The following EFNA2 variants were observed in gnomAD, a reference collection of about 807,000 sequenced individuals.
EFNA2 encodes the protein ephrin-A2.
EFNA2 carries 18 observed loss-of-function variants against 19.7 expected under a neutral mutation model. The ratio of observed to expected loss-of-function variants is 0.91; its 90% confidence interval spans 0.63 to 1.35. EFNA2 has a LOEUF of 1.35. Among genes scored for constraint, EFNA2 ranks in the 40% most tolerant of loss-of-function variants. The probability of loss-of-function intolerance (pLI) is 0.00; values close to 1 mark genes in which losing one functional copy is unlikely to be tolerated. For synonymous variants in EFNA2, 187 were observed against 137.8 expected (o/e 1.36, Z -2.50); for missense variants, 303 against 296.0 (o/e 1.02, Z -0.17).
At chr19:1,284,480 G>C (rs1406551977), upstream of EFNA2, among the ~76,000 whole-genome samples, 2 of 152,240 alleles carry the variant, frequency 1.3e-5, no homozygotes, top group Non-Finnish European at 2.9e-5. This position sits in a 1 kb window ranked among gnomAD's most constrained non-coding sequence, Gnocchi z 5.3. Context: ...GGGTGGGACA[G>C]ACCTTTCTGG....
chr19:1,294,569 T>C lies in EFNA2; in HGVS notation c.141-976T>C, dbSNP rs2144619902. On this transcript the variant is annotated intron_variant, in intron 1 of 3. Transcript: ENST00000215368. This position sits in a 1 kb window ranked among gnomAD's most constrained non-coding sequence, Gnocchi z 5.8. ...GGGTTCCAGATGTGAGAGGGTGGTA[T>C]GGGGCTCGCAGGGTCACACAGGAAG... Among the ~76,000 whole-genome samples, 2 of 148,894 alleles carry C rather than the reference T, an allele frequency of 1.3e-5. No individual in the cohort carries two copies. Among genetic ancestry groups the C allele is most frequent in the African/African-American group, 5.0e-5 (2 of 39,952 alleles).
chr19:1,301,222 A>G lies in EFNA2; in HGVS notation c.*1277A>G, dbSNP rs1347638854. Among the ~76,000 whole-genome samples the G allele has an allele frequency of 1.4e-5, 2 of 147,036 alleles. No individual in the cohort carries two copies. The highest frequency in any genetic ancestry group is 1.4e-4 in the Admixed American group (2 of 14,606). ...CCTTTCCTGACTCTGTGTTTTATAT[A>G]TATTATATATAAATATATATTGTGT... On this transcript the variant is annotated 3_prime_UTR_variant, in exon 4 of 4. Coordinates refer to ENST00000215368, the MANE Select transcript of EFNA2 (RefSeq NM_001405.4).
intron 2 of EFNA2, among the ~76,000 whole-genome samples, chr19:1,298,285 G>A (rs908313976): frequency 2.0e-5 from 3 of 152,058 alleles, no homozygotes; most frequent in Non-Finnish European, 1.5e-5. Context: ...CTGCCCTGGG[G>A]TGAGGCAGAG....
chr19:1,291,546 G>C (rs934299969), intron 1 of EFNA2, among the ~76,000 whole-genome samples: 2 of 152,258 alleles, frequency 1.3e-5, no homozygotes, highest in East Asian at 3.9e-4. Flanking sequence ...TTCAGGACCC[G>C]GGCTGCCTGC....
chr19:1,298,861 A>T (rs35584013), intron 3 of EFNA2, among the ~76,000 whole-genome samples: 20,674 of 152,008 alleles, frequency 0.14, 2,017 homozygotes, highest in African/African-American at 0.27. Flanking sequence ...GGGAGAATCA[A>T]TTGAGCCCAG....
At position 1,287,374 on chromosome 19, in the gene EFNA2, G is replaced by A. The variant is rs1444883007; in HGVS notation, c.140+1066G>A. ...CACACGGAGCTGCACATCGGGGGCT[G>A]AGGCGGCCCCCCCCCACTCTTCTGC... is the stretch of plus-strand genomic sequence containing the variant. On this transcript the variant is annotated intron_variant, in intron 1 of 3. Coordinates refer to ENST00000215368, the MANE Select transcript of EFNA2 (RefSeq NM_001405.4). The surrounding 1 kb of genome is among the most constrained non-coding windows in gnomAD (Gnocchi z 6.2). Among the ~76,000 whole-genome samples, 1 of 152,068 alleles carries A rather than the reference G, an allele frequency of 6.6e-6. No individual in the cohort carries two copies. Among genetic ancestry groups the A allele is most frequent in the Non-Finnish European group, 1.5e-5 (1 of 68,022 alleles).
Position 1,287,375 on chromosome 19 carries a change from A to G in EFNA2, c.140+1067A>G, listed in dbSNP as rs2081470164. On this transcript the variant is annotated intron_variant, in intron 1 of 3. Transcript: ENST00000215368. The surrounding 1 kb of genome is among the most constrained non-coding windows in gnomAD (Gnocchi z 6.2). The stretch of plus-strand genomic sequence containing the variant: ...ACACGGAGCTGCACATCGGGGGCTG[A>G]GGCGGCCCCCCCCCACTCTTCTGCT... 6.6e-6 allele frequency among the ~76,000 whole-genome samples: 1 copy of G among 151,854 alleles called. No homozygotes were observed. Among genetic ancestry groups the G allele is most frequent in the Non-Finnish European group, 1.5e-5 (1 of 67,972 alleles).
upstream of EFNA2, among the ~76,000 whole-genome samples, chr19:1,285,169 C>A (rs1052115859): frequency 1.3e-5 from 2 of 152,230 alleles, no homozygotes; most frequent in Non-Finnish European, 2.9e-5. The surrounding 1 kb of genome is among the most constrained non-coding windows in gnomAD (Gnocchi z 4.1). Context: ...ACTCGGCGTT[C>A]CCTGAACAGA....
intron 1 of EFNA2, among the ~76,000 whole-genome samples, chr19:1,292,275 G>A (rs2081495307): frequency 3.9e-5 from 6 of 152,218 alleles, no homozygotes; most frequent in Admixed American, 3.3e-4. Flanking sequence ...GACGCAAAGG[G>A]AAAAATACGG....
rs551581187 is a variant in EFNA2 at position 1,287,671 on chromosome 19, T to A, written c.140+1363T>A. ...GCTGAGGGCAGGGACCCCGGGCCGC[T>A]GGGGGACGGCTGGCCCACCTCAGAG... On this transcript the variant is annotated intron_variant, in intron 1 of 3. Transcript: ENST00000215368. The surrounding 1 kb of genome is among the most constrained non-coding windows in gnomAD (Gnocchi z 6.2). Among the ~76,000 whole-genome samples the A allele has an allele frequency of 6.6e-6, 1 of 151,690 alleles. No individual in the cohort carries two copies. Among genetic ancestry groups the A allele is most frequent in the South Asian group, 2.1e-4 (1 of 4,796 alleles).
rs953475026 is a variant in EFNA2 at position 1,294,697 on chromosome 19, G to C, written c.141-848G>C. Among the ~76,000 whole-genome samples, 1 of 151,522 alleles carries C rather than the reference G, an allele frequency of 6.6e-6. No homozygotes were observed. Among genetic ancestry groups the C allele is most frequent in the Non-Finnish European group, 1.5e-5 (1 of 67,878 alleles). ...GGGGGCGGTGGGCGGAACTCTGGGG[G>C]TGCTGAGAGGAGGGTGGAGGGATTC... On this transcript the variant is annotated intron_variant, in intron 1 of 3. Coordinates refer to ENST00000215368, the MANE Select transcript of EFNA2 (RefSeq NM_001405.4). The surrounding 1 kb of genome is among the most constrained non-coding windows in gnomAD (Gnocchi z 5.8).
chr19:1,300,058 C>G lies in EFNA2; in HGVS notation c.*113C>G. 7.2e-7 allele frequency: 1 copy of G among 1,381,626 alleles called. No individual in the cohort carries two copies. Among genetic ancestry groups the G allele is most frequent in the Non-Finnish European group, 9.5e-7 (1 of 1,051,458 alleles). 85.6% of individuals were successfully genotyped at this position (1,381,626 alleles called of 1,614,324 possible). ...CCTCCGAGACCAAATAGAGACGCTGCTTCTCCCTCGCCTGGTGCCGCCCCC... is the reference window on the plus strand; with the variant it reads ...CCTCCGAGACCAAATAGAGACGCTGGTTCTCCCTCGCCTGGTGCCGCCCCC... On this transcript the variant is annotated 3_prime_UTR_variant, in exon 4 of 4. Transcript: ENST00000215368.
chr19:1,285,827 G>C (rs1438531750), upstream of EFNA2, among the ~76,000 whole-genome samples: 1 of 147,996 alleles, frequency 6.8e-6, no homozygotes, highest in African/African-American at 2.4e-5. This position sits in a 1 kb window ranked among gnomAD's most constrained non-coding sequence, Gnocchi z 4.1. Flanking sequence ...GGCACGGCGG[G>C]AGGGGGCGCC....
In EFNA2 at chr19:1,297,084, G is replaced by A. The variant is rs574647941; in HGVS notation, c.454+1226G>A. On this transcript the variant is annotated intron_variant, in intron 2 of 3. Transcript: ENST00000215368. The surrounding 1 kb of genome is among the most constrained non-coding windows in gnomAD (Gnocchi z 5.0). ...AGATGGGGATGATGGCATCACACTC[G>A]TGGCTTCCGCCGTGGCGCTGAGACT... 4.6e-4 allele frequency among the ~76,000 whole-genome samples: 70 copies of A among 152,312 alleles called. No homozygotes were observed. Among genetic ancestry groups the A allele is most frequent in the African/African-American group, 1.7e-3 (70 of 41,576 alleles).
Position 1,296,735 on chromosome 19 carries a change from A to C in EFNA2, c.454+877A>C, listed in dbSNP as rs535769552. On this transcript the variant is annotated intron_variant, in intron 2 of 3. Transcript: ENST00000215368. This position sits in a 1 kb window ranked among gnomAD's most constrained non-coding sequence, Gnocchi z 4.4. The stretch of plus-strand genomic sequence containing the variant: ...GGTCTCCAGGTCCTCCCTGCCCCGC[A>C]CCCACCCCCGCATCTCCCCGGGACC... Among the ~76,000 whole-genome samples the C allele has an allele frequency of 4.6e-5, 7 of 151,900 alleles. No individual in the cohort carries two copies. The highest frequency in any genetic ancestry group is 4.2e-4 in the South Asian group (2 of 4,784).
At chr19:1,298,530 T>A in intron 2 of EFNA2, 21 bp from the exon 3 acceptor site, 1 of 1,613,052 alleles carries the variant, frequency 6.2e-7, no homozygotes, top group South Asian at 1.1e-5. Flanking sequence ...TCCCCACTCA[T>A]CCCCATCCCC....
rs2081513604 is a variant in EFNA2 at position 1,296,005 on chromosome 19, AGTGGGCGGGGCCGCGGAATGGGGCCAG to A, written c.454+149_454+175del. The A allele has an allele frequency of 2.9e-5, 1 of 35,010 alleles. No homozygotes were observed. Among genetic ancestry groups the A allele is most frequent in the Non-Finnish European group, 4.3e-5 (1 of 23,174 alleles). The allele number at this position is 35,010 out of a possible 1,614,324, so 2.2% of individuals were successfully genotyped here. ...GGGCCGCGGTGTGGGGCCAGGGGGG[AGTGGGCGGGGCCGCGGAATGGGGCCAG>A]GGGGGAGTGGGCGGGGCCGCGGAGT... On this transcript the variant is annotated intron_variant, in intron 2 of 3. Transcript: ENST00000215368. This position sits in a 1 kb window ranked among gnomAD's most constrained non-coding sequence, Gnocchi z 4.4.
chr19:1,295,698 C>G lies in EFNA2; in HGVS notation c.294C>G (p.Gly98=), dbSNP rs145065065. The G allele has an allele frequency of 2.5e-4, 403 of 1,608,380 alleles. No homozygotes were observed. In the African/African-American group the frequency reaches 4.8e-3, roughly 19 times the overall value. ...HYVLYMVNGE[G]HASCDHRQRG... ...TGCTGTACATGGTCAACGGCGAGGG[C>G]CACGCCTCCTGCGACCACCGCCAGC... Residue 98 remains glycine (G), a synonymous_variant, in exon 2 of 4, where the codon GGC becomes GGG. Transcript: ENST00000215368. This position sits in a 1 kb window ranked among gnomAD's most constrained non-coding sequence, Gnocchi z 5.8.
At position 1,289,185 on chromosome 19, in the gene EFNA2, G is replaced by A. The variant is rs189080348; in HGVS notation, c.140+2877G>A. On this transcript the variant is annotated intron_variant, in intron 1 of 3. Coordinates refer to ENST00000215368, the MANE Select transcript of EFNA2 (RefSeq NM_001405.4). The stretch of plus-strand genomic sequence containing the variant: ...CTGGCGTGTTTGCACATGTGTCTGC[G>A]TGATTGCATATGAGGTGCATGTGTG... Among the ~76,000 whole-genome samples, 46 of 152,376 alleles carry A rather than the reference G, an allele frequency of 3.0e-4. No homozygotes were observed. The East Asian group carries it at 8.5e-3, about 28-fold the overall frequency.
Sources: gnomAD v4.1 joint callset for allele counts (sites outside exome capture counted in the v4.1 genomes callset) on GRCh38, gnomAD v4.1.1 for gene constraint, Gnocchi (gnomAD v3.1) non-coding constraint, MANE v1.5 for transcripts, NCBI Gene and HGNC (gene_info 2026-07-23, HGNC 2026-07-21) for gene names.